ANKS1B: variants seen among roughly 807,000 people sequenced by gnomAD.
The protein encoded by ANKS1B is ankyrin repeat and sterile alpha motif domain-containing protein 1B.
Under a neutral mutation model 148.3 loss-of-function variants are expected in ANKS1B, and 36 were observed. The ratio of observed to expected loss-of-function variants is 0.24; its 90% CI spans 0.19 to 0.32. The LOEUF is 0.32. Ranked by LOEUF, ANKS1B falls within the 10% of genes least tolerant of loss-of-function variation. ANKS1B has a pLI of 1.00. For synonymous variants in ANKS1B, 542 were observed against 560.8 expected (o/e 0.97, Z 0.47); for missense variants, 1,157 against 1,542.6 (o/e 0.75, Z 4.19).
At chr12:98,776,694 T>C (rs2098679978) in intron 24 of ANKS1B, among the ~76,000 whole-genome samples, 1 of 152,192 alleles carries the variant, frequency 6.6e-6, no homozygotes. Context: ...CCCCGACAGG[T>C]GGGACCTTTC....
chr12:98,877,946 C>T (rs1170456937), intron 17 of ANKS1B, among the ~76,000 whole-genome samples: 1 of 152,160 alleles, frequency 6.6e-6, no homozygotes, highest in Non-Finnish European at 1.5e-5. Flanking sequence ...ATGTGCAAGA[C>T]TCAGTACCTG....
chr12:98,807,221 T>C (rs1474442289), intron 20 of ANKS1B, among the ~76,000 whole-genome samples: 2 of 152,210 alleles, frequency 1.3e-5, no homozygotes, highest in Non-Finnish European at 2.9e-5. Flanking sequence ...TTGAAAATCA[T>C]GCAGCTCAGA....
intron 9 of ANKS1B, among the ~76,000 whole-genome samples, chr12:99,650,696 A>G (rs2098413686): frequency 1.3e-5 from 2 of 152,172 alleles, no homozygotes; most frequent in African/African-American, 4.8e-5. Flanking sequence ...ATTGCAAAGC[A>G]CTCATCTTTT....
chr12:99,431,938 C>T (rs10777985), intron 11 of ANKS1B, among the ~76,000 whole-genome samples: 34,604 of 152,050 alleles, frequency 0.23, 4,425 homozygotes, highest in African/African-American at 0.34. Flanking sequence ...GGACAGATCT[C>T]TCATGAATGG....
At chr12:99,141,271 C>A (rs936929644) in intron 15 of ANKS1B, among the ~76,000 whole-genome samples, 2 of 152,106 alleles carry the variant, frequency 1.3e-5, no homozygotes, top group East Asian at 3.9e-4. Flanking sequence ...CTTCTTTTGA[C>A]AGTTGTCTAC....
At chr12:99,200,355 G>A (rs189866307) in intron 14 of ANKS1B, among the ~76,000 whole-genome samples, 37 of 152,274 alleles carry the variant, frequency 2.4e-4, no homozygotes, top group African/African-American at 8.7e-4. Flanking sequence ...GTTAATTAGC[G>A]CATTTTGCAG....
intron 9 of ANKS1B, among the ~76,000 whole-genome samples, chr12:99,593,208 G>A (rs1567430868): frequency 6.6e-6 from 1 of 151,908 alleles, no homozygotes; most frequent in Admixed American, 6.6e-5. Context: ...GAGTGCCCTG[G>A]CCAAGAGGAG....
At chr12:99,847,849 C>T (rs1457270089) in intron 1 of ANKS1B, among the ~76,000 whole-genome samples, 3 of 152,140 alleles carry the variant, frequency 2.0e-5, no homozygotes, top group South Asian at 2.1e-4. Flanking sequence ...AAGGAATAAC[C>T]GACAAATTCA....
intron 15 of ANKS1B, among the ~76,000 whole-genome samples, chr12:99,085,881 G>A (rs191726793): frequency 6.6e-6 from 1 of 152,198 alleles, no homozygotes; most frequent in East Asian, 1.9e-4. Flanking sequence ...GATGGAGGAG[G>A]GAGAGGATCA....
intron 1 of ANKS1B, among the ~76,000 whole-genome samples, chr12:99,945,422 C>T (rs1270427307): frequency 2.0e-5 from 3 of 150,928 alleles, no homozygotes; most frequent in Admixed American, 6.6e-5. Context: ...GAGATTAAGG[C>T]TGAGGTTATA....
chr12:99,181,096 C>T (rs112821281), intron 14 of ANKS1B, among the ~76,000 whole-genome samples: 27 of 152,238 alleles, frequency 1.8e-4, no homozygotes, highest in African/African-American at 6.5e-4. Context: ...TATAGCTTTC[C>T]TTGGGTTTGT....
chr12:98,910,858 A>G (rs1461597822), intron 17 of ANKS1B, among the ~76,000 whole-genome samples: 2 of 152,210 alleles, frequency 1.3e-5, no homozygotes, highest in Non-Finnish European at 2.9e-5. Flanking sequence ...CCAGTGAAGC[A>G]GTGCCAATAT....
chr12:99,840,492 G>C (rs942233845), intron 1 of ANKS1B, among the ~76,000 whole-genome samples: 1 of 152,044 alleles, frequency 6.6e-6, no homozygotes, highest in Non-Finnish European at 1.5e-5. Context: ...GTAGAAGCAA[G>C]GAGATCAGTT....
intron 19 of ANKS1B, among the ~76,000 whole-genome samples, chr12:98,810,015 A>G (rs1226254031): frequency 6.6e-6 from 1 of 152,154 alleles, no homozygotes; most frequent in African/African-American, 2.4e-5. Context: ...AGAATAAACT[A>G]TGTTCCAACT....
chr12:99,171,045 T>A (rs1468012477), intron 14 of ANKS1B, among the ~76,000 whole-genome samples: 1 of 152,216 alleles, frequency 6.6e-6, no homozygotes. Context: ...CACTAATAAC[T>A]AAAGTGCTGG....
At chr12:99,519,756 C>T (rs564139257) in intron 9 of ANKS1B, among the ~76,000 whole-genome samples, 1 of 151,920 alleles carries the variant, frequency 6.6e-6, no homozygotes, top group Non-Finnish European at 1.5e-5. Flanking sequence ...GTCTTTTCTC[C>T]CTTTTAGTGA....
intron 12 of ANKS1B, among the ~76,000 whole-genome samples, chr12:99,359,855 T>C (rs1020610358): frequency 6.6e-6 from 1 of 151,990 alleles, no homozygotes; most frequent in African/African-American, 2.4e-5. Context: ...TATATCCTGA[T>C]AGTAATATAA....
intron 25 of ANKS1B, among the ~76,000 whole-genome samples, chr12:98,762,996 C>G (rs1163907825): frequency 6.6e-6 from 1 of 152,228 alleles, no homozygotes; most frequent in African/African-American, 2.4e-5. Context: ...ATGGCCAGAG[C>G]CAATTCCTTC....
intron 10 of ANKS1B, among the ~76,000 whole-genome samples, chr12:99,471,748 T>G (rs2096246167): frequency 6.6e-6 from 1 of 152,082 alleles, no homozygotes; most frequent in African/African-American, 2.4e-5. Context: ...TTAAAAAATA[T>G]GTTGCTGCTA....
Sources: gnomAD v4.1 joint callset for allele counts (sites outside exome capture counted in the v4.1 genomes callset) on GRCh38, gnomAD v4.1.1 for gene constraint, MANE v1.5 for transcripts, NCBI Gene and HGNC (gene_info 2026-07-23, HGNC 2026-07-21) for gene names.